BEST3: variants seen among roughly 807,000 people sequenced by gnomAD.
BEST3 encodes bestrophin 3.
Under a neutral mutation model 47.1 loss-of-function variants are expected in BEST3, and 50 were observed. That is an observed-to-expected ratio of 1.06 (90% CI 0.85 to 1.34). The LOEUF (loss-of-function observed/expected upper bound fraction) is 1.34. Among genes scored for constraint, BEST3 ranks in the 40% most tolerant of loss-of-function variants. The pLI, the probability that BEST3 is intolerant of heterozygous loss-of-function variation, is 0.00. For missense variants in BEST3, 765 were observed against 817.0 expected, an observed-to-expected ratio of 0.94 and a Z score of 0.78; for synonymous variants, 282 against 298.8, an observed-to-expected ratio of 0.94 and a Z score of 0.58.
chr12:69,643,679 A>T, exon 10 of BEST3: 1 of 660,480 alleles, frequency 1.5e-6, no homozygotes, highest in Admixed American at 2.3e-5. Context: ...GAAAGATTCG[A>T]GTGTTGTACC....
intron 7 of BEST3, among the ~76,000 whole-genome samples, chr12:69,674,172 A>G (rs1036195894): frequency 6.6e-6 from 1 of 152,194 alleles, no homozygotes; most frequent in Non-Finnish European, 1.5e-5. Context: ...TAAAGGCACC[A>G]TGTGATTAGT....
At chr12:69,664,350 C>G (rs1002909152) in intron 9 of BEST3, among the ~76,000 whole-genome samples, 4 of 152,184 alleles carry the variant, frequency 2.6e-5, no homozygotes, top group African/African-American at 9.7e-5. Flanking sequence ...GCTTTCCTGG[C>G]TGCACAGGCA....
chr12:69,655,803 A>C lies in BEST3; in HGVS notation c.1111T>G (p.Ser371Ala). The C allele has an allele frequency of 6.2e-7, 1 of 1,606,320 alleles. No homozygotes were observed. Among genetic ancestry groups the C allele is most frequent in the African/African-American group, 1.3e-5 (1 of 74,896 alleles). The change falls in exon 10 of 10, where the codon TCC becomes GCC. Residue 371 changes from serine to alanine, a missense_variant. By Grantham distance (99) the Ser-to-Ala change is moderately conservative. Coordinates refer to ENST00000330891, the MANE Select transcript of BEST3 (RefSeq NM_032735.3). ...GSTVQMGLSG[S>A]DFPDEEWLWD... ...AGCCACTCCTCGTCAGGAAAGTCGG[A>C]CCCAGACAGCCTGAAACACACAATG...
At chr12:69,673,133 G>A (rs1884687609) in intron 7 of BEST3, among the ~76,000 whole-genome samples, 168 bp from the exon 8 acceptor site, 1 of 152,204 alleles carries the variant, frequency 6.6e-6, no homozygotes, top group South Asian at 2.1e-4. Flanking sequence ...AGCAAGACAT[G>A]ATTCTCAAAC....
intron 4 of BEST3, among the ~76,000 whole-genome samples, chr12:69,680,310 C>CTTCTTCTTTTT (rs763385722): frequency 1.1e-5 from 1 of 95,032 alleles, no homozygotes; most frequent in Non-Finnish European, 2.0e-5. Flanking sequence ...TACACTTGAT[C>CTTCTTCTTTTT]TTTTTTTTTT....
At chr12:69,684,701 T>G in intron 4 of BEST3, 8 of 494,640 alleles carry the variant, frequency 1.6e-5, no homozygotes. Flanking sequence ...CTTGTTTTTA[T>G]CTCTGTGTTT....
chr12:69,679,422 C>T lies in BEST3; in HGVS notation c.482-529G>A, dbSNP rs943916898. 2.6e-5 allele frequency among the ~76,000 whole-genome samples: 4 copies of T among 152,162 alleles called. No individual in the cohort carries two copies. In the East Asian group the frequency reaches 5.8e-4, roughly 22 times the overall value. ...TTTCTCTTTCCTGAGGGATTTCTTC[C>T]CTTTAAAGTTCCCACATGGTACTCG... is the stretch of plus-strand genomic sequence containing the variant. On this transcript the variant is annotated intron_variant, in intron 4 of 9. Transcript: ENST00000330891.
chr12:69,688,766 C>T (rs1247671703), intron 4 of BEST3, among the ~76,000 whole-genome samples: 1 of 152,174 alleles, frequency 6.6e-6, no homozygotes, highest in Non-Finnish European at 1.5e-5. Context: ...CTGATTGCCT[C>T]AAAGCCCATT....
At chr12:69,689,096 C>T in intron 4 of BEST3, 2 of 985,530 alleles carry the variant, frequency 2.0e-6, no homozygotes, top group East Asian at 2.3e-4. Context: ...CAGGCAGGAG[C>T]AGGTGCTCCG....
chr12:69,664,022 G>T (rs1025910585), intron 9 of BEST3, among the ~76,000 whole-genome samples: 1 of 151,578 alleles, frequency 6.6e-6, no homozygotes, highest in Non-Finnish European at 1.5e-5. Context: ...TAGATTACTG[G>T]CCATGCAATA....
chr12:69,660,272 G>A (rs1883793215), intron 9 of BEST3: 1 of 152,236 alleles, frequency 6.6e-6, no homozygotes, highest in Non-Finnish European at 1.5e-5. Flanking sequence ...ACTTTCAGAA[G>A]TGGTTTCCAA....
chr12:69,652,486 T>C (rs1053725123), downstream of BEST3, among the ~76,000 whole-genome samples: 3 of 152,224 alleles, frequency 2.0e-5, no homozygotes, highest in African/African-American at 4.8e-5. Flanking sequence ...TTTGATTTTA[T>C]AGCTGAATTC....
At chr12:69,673,401 A>G (rs1565831699) in intron 7 of BEST3, among the ~76,000 whole-genome samples, 1 of 152,170 alleles carries the variant, frequency 6.6e-6, no homozygotes, top group Non-Finnish European at 1.5e-5. Context: ...CTTAAATCAC[A>G]CTTAAAGAAA....
At chr12:69,678,594 G>A in intron 5 of BEST3, 145 bp downstream of exon 5, 1 of 720,558 alleles carries the variant, frequency 1.4e-6, no homozygotes, top group East Asian at 2.7e-5. Context: ...CCTGCATGTT[G>A]AGAGGTCTGA....
intron 8 of BEST3, 89 bp from the exon 9 acceptor site, chr12:69,671,668 G>T: frequency 8.2e-7 from 1 of 1,218,792 alleles, no homozygotes; most frequent in Non-Finnish European, 1.2e-6. Context: ...GTTAGATTGG[G>T]CTAGGACACA....
chr12:69,652,106 A>C (rs1040281853), downstream of BEST3, among the ~76,000 whole-genome samples: 4 of 152,210 alleles, frequency 2.6e-5, no homozygotes, highest in African/African-American at 9.7e-5. Flanking sequence ...AGAAAAAGTT[A>C]GTGGGCCATT....
intron 4 of BEST3, among the ~76,000 whole-genome samples, chr12:69,679,430 G>A (rs1227375993): frequency 6.6e-6 from 1 of 152,162 alleles, no homozygotes; most frequent in African/African-American, 2.4e-5. Flanking sequence ...TCCCTTTAAA[G>A]TTCCCACATG....
chr12:69,676,987 C>T lies in BEST3; in HGVS notation c.796G>A (p.Gly266Arg), dbSNP rs1349665885. 1.9e-6 allele frequency: 3 copies of T among 1,614,130 alleles called. No individual in the cohort carries two copies. The Admixed American group carries it at 5.0e-5, about 27-fold the overall frequency. Residue 266 changes from glycine (G) to arginine (R), a missense_variant, in exon 7 of 10, where the codon GGG (glycine) becomes AGG (arginine). By Grantham distance (125) the Gly-to-Arg change is moderately radical. Transcript: ENST00000330891. The part of the protein sequence containing the change: ...QFLDPTKGYA[G>R]HDLDLYIPIF... ...GGAATGTAAAGATCCAAGTCATGCC[C>T]TGCGTAGCCTTTGGTGGGATCCAAA...
intron 4 of BEST3, chr12:69,689,220 C>T: frequency 1.0e-6 from 1 of 985,494 alleles, no homozygotes; most frequent in Non-Finnish European, 1.2e-6. Flanking sequence ...GGCATATGCC[C>T]AGTTGGAAGA....
Sources: gnomAD v4.1 joint callset for allele counts (sites outside exome capture counted in the v4.1 genomes callset) on GRCh38, gnomAD v4.1.1 for gene constraint, MANE v1.5 for transcripts, NCBI Gene and HGNC (gene_info 2026-07-23, HGNC 2026-07-21) for gene names.